The following GXYLT2 variants were observed in gnomAD, a reference collection of about 807,000 sequenced individuals.
GXYLT2 encodes the protein glycosyltransferase 8 domain containing 4.
GXYLT2 carries 53 observed loss-of-function variants against 45.8 expected under a neutral mutation model. That is an observed-to-expected ratio of 1.16 (90% CI 0.93 to 1.46). The LOEUF (loss-of-function observed/expected upper bound fraction) is 1.46, where lower values mean the gene tolerates loss of function less well. GXYLT2 is among the 40% of genes most tolerant of loss of function. The pLI is 0.00. For missense variants in GXYLT2, 551 were observed against 544.4 expected (o/e 1.01, Z -0.12); for synonymous variants, 219 against 214.2 (o/e 1.02, Z -0.19).
At chr3:72,908,837 A>G (rs541580548) in intron 2 of GXYLT2, among the ~76,000 whole-genome samples, 1 of 152,248 alleles carries the variant, frequency 6.6e-6, no homozygotes, top group Admixed American at 6.5e-5. Flanking sequence ...TTCCAGGCTC[A>G]AGTGATCCTC....
Position 72,951,014 on chromosome 3 carries a change from GC to G in GXYLT2, c.601-4082del, listed in dbSNP as rs1710514022. ...CGCCCCTCACTCTAAAAAAACAAAG[GC>G]CTCATTGCTAGTGCTGGCTAATTTC... On this transcript the variant is annotated intron_variant, in intron 3 of 6. Transcript: ENST00000389617. Among the ~76,000 whole-genome samples the G allele has an allele frequency of 2.0e-5, 3 of 152,194 alleles. No homozygotes were observed. In the South Asian group the frequency reaches 6.2e-4, roughly 32 times the overall value.
chr3:72,895,513 C>A (rs920299446), intron 1 of GXYLT2, among the ~76,000 whole-genome samples: 1 of 152,142 alleles, frequency 6.6e-6, no homozygotes, highest in Non-Finnish European at 1.5e-5. Context: ...CCTTTTAAAA[C>A]TCACAGGTGA....
intron 3 of GXYLT2, among the ~76,000 whole-genome samples, chr3:72,923,530 G>C (rs545680517): frequency 6.6e-6 from 1 of 152,282 alleles, no homozygotes; most frequent in Non-Finnish European, 1.5e-5. Context: ...ACTTTGAATT[G>C]TCAGTTGCTG....
At chr3:72,909,676 T>G (rs1351913971) in intron 2 of GXYLT2, among the ~76,000 whole-genome samples, 1 of 152,202 alleles carries the variant, frequency 6.6e-6, no homozygotes, top group African/African-American at 2.4e-5. Flanking sequence ...ATGAGTTTTT[T>G]CCAGTACACA....
At chr3:72,940,929 C>G (rs149355314) in intron 3 of GXYLT2, among the ~76,000 whole-genome samples, 1 of 152,278 alleles carries the variant, frequency 6.6e-6, no homozygotes, top group Non-Finnish European at 1.5e-5. Context: ...ATACTCCCAC[C>G]TCGGTCTCCC....
At chr3:72,962,263 C>T (rs1170672069) in intron 5 of GXYLT2, among the ~76,000 whole-genome samples, 1 of 152,096 alleles carries the variant, frequency 6.6e-6, no homozygotes. Context: ...TTTCAGGAGT[C>T]TAGGAAGTTC....
In GXYLT2 at chr3:72,929,618, T is replaced by C. The variant is rs556542223; in HGVS notation, c.600+7283T>C. The C allele has an allele frequency of 9.2e-5, 88 of 961,692 alleles. No homozygotes were observed. The African/African-American group carries it at 1.3e-3, about 14-fold the overall frequency. The allele number at this position is 961,692 out of a possible 1,614,324, so 59.6% of individuals were successfully genotyped here. On this transcript the variant is annotated intron_variant, in intron 3 of 6. Coordinates refer to ENST00000389617, the MANE Select transcript of GXYLT2 (RefSeq NM_001080393.2). The stretch of plus-strand genomic sequence containing the variant: ...GCTAAGCCTCAGGCTAATTTCCCCA[T>C]AGCCATGGGGTGACTTCCCTGGTCA...
At chr3:72,947,123 T>A (rs1710426844) in intron 3 of GXYLT2, among the ~76,000 whole-genome samples, 1 of 152,152 alleles carries the variant, frequency 6.6e-6, no homozygotes, top group Non-Finnish European at 1.5e-5. Flanking sequence ...AAGTGCCCGA[T>A]GAGCTACCAC....
At chr3:72,901,114 C>T (rs1189169699) in intron 1 of GXYLT2, among the ~76,000 whole-genome samples, 1 of 152,060 alleles carries the variant, frequency 6.6e-6, no homozygotes, top group East Asian at 1.9e-4. Flanking sequence ...TATGATGAAA[C>T]CCCGTCTCTA....
intron 6 of GXYLT2, among the ~76,000 whole-genome samples, chr3:72,973,508 T>A (rs950758825): frequency 6.6e-6 from 1 of 152,194 alleles, no homozygotes; most frequent in African/African-American, 2.4e-5. Flanking sequence ...GATTTATGAT[T>A]TAGAAATATC....
At position 72,905,439 on chromosome 3, in the gene GXYLT2, C is replaced by T. The variant is rs745930833; in HGVS notation, c.276-2928C>T. On this transcript the variant is annotated intron_variant, in intron 1 of 6. Transcript: ENST00000389617. ...TTGTTTTTCATTCTCTTTGGCCTTA[C>T]GTTGGTACATGCCAGTCTGGTTTAT... Among the ~76,000 whole-genome samples, 12 of 152,248 alleles carry T rather than the reference C, an allele frequency of 7.9e-5. 1 individual carries two copies. In the Middle Eastern group the frequency reaches 0.01, roughly 129 times the overall value.
At chr3:72,925,168 T>G (rs1023157597) in intron 3 of GXYLT2, among the ~76,000 whole-genome samples, 1 of 151,266 alleles carries the variant, frequency 6.6e-6, no homozygotes, top group Non-Finnish European at 1.5e-5. Flanking sequence ...TTCTTTTTTT[T>G]TTTTTTGAGA....
intron 2 of GXYLT2, among the ~76,000 whole-genome samples, chr3:72,911,672 GT>G (rs1709625411): frequency 6.6e-6 from 1 of 152,084 alleles, no homozygotes; most frequent in African/African-American, 2.4e-5. Flanking sequence ...GATGACCATA[GT>G]CCTGTAATCT....
chr3:72,973,189 A>G (rs997551743), intron 6 of GXYLT2, among the ~76,000 whole-genome samples: 5 of 152,132 alleles, frequency 3.3e-5, no homozygotes, highest in African/African-American at 9.7e-5. Context: ...CCTGGGCTGG[A>G]GAGGAGTGTT....
chr3:72,931,665 C>CTT (rs969863826), intron 3 of GXYLT2, among the ~76,000 whole-genome samples: 11 of 152,016 alleles, frequency 7.2e-5, no homozygotes, highest in Non-Finnish European at 1.5e-4. Flanking sequence ...AATTTATAAA[C>CTT]TTCAGCAGTA....
At chr3:72,971,756 G>T (rs139731176) in intron 6 of GXYLT2, among the ~76,000 whole-genome samples, 2 of 151,838 alleles carry the variant, frequency 1.3e-5, no homozygotes, top group African/African-American at 4.8e-5. Flanking sequence ...CGAGAACAGC[G>T]TGGCCAAAAT....
chr3:72,969,919 A>AAAAAG, intron 6 of GXYLT2, among the ~76,000 whole-genome samples: 1 of 150,212 alleles, frequency 6.7e-6, no homozygotes, highest in Non-Finnish European at 1.5e-5. Context: ...GAAAAAAAAA[A>AAAAAG]AACAAAAACA....
rs1252712566 is a variant in GXYLT2, at chr3:72,908,424, C to T, written c.333C>T (p.His111=). ...TGCTGCCACCCGAGCTCTGGATCCA[C>T]CTGGCTGTGGTGGCCTGTGGCAATC... is the stretch of plus-strand genomic sequence containing the variant. The part of the protein sequence containing the change: ...QAVLPPELWI[H]LAVVACGNRL... Residue 111 remains histidine, a synonymous_variant, in exon 2 of 7, where the codon CAC becomes CAT. Coordinates refer to ENST00000389617, the MANE Select transcript of GXYLT2 (RefSeq NM_001080393.2). The T allele has an allele frequency of 1.9e-6, 3 of 1,613,930 alleles. No homozygotes were observed. Among genetic ancestry groups the T allele is most frequent in the South Asian group, 2.2e-5 (2 of 91,074 alleles).
At chr3:72,970,731 G>T (rs1181411606) in intron 6 of GXYLT2, among the ~76,000 whole-genome samples, 1 of 152,000 alleles carries the variant, frequency 6.6e-6, no homozygotes, top group African/African-American at 2.4e-5. Flanking sequence ...GCGTTGTGGC[G>T]CATGCCTGTA....
Sources: gnomAD v4.1 joint callset for allele counts (sites outside exome capture counted in the v4.1 genomes callset) on GRCh38, gnomAD v4.1.1 for gene constraint, MANE v1.5 for transcripts, NCBI Gene and HGNC (gene_info 2026-07-23, HGNC 2026-07-21) for gene names.